The following CAPN2 variants were observed in gnomAD, a reference collection of about 807,000 sequenced individuals.
The protein encoded by CAPN2 is calpain-2 catalytic subunit.
Under a neutral mutation model 102.3 loss-of-function variants are expected in CAPN2, and 92 were observed. That is an observed-to-expected ratio of 0.90 (90% CI 0.76 to 1.07). The LOEUF (loss-of-function observed/expected upper bound fraction) is 1.07, where lower values mean the gene tolerates loss of function less well. CAPN2 is among the 50% of genes least tolerant of loss of function. The pLI is 0.00. For missense variants in CAPN2, 800 were observed against 909.4 expected (o/e 0.88, Z 1.55); for synonymous variants, 340 against 355.4 (o/e 0.96, Z 0.49).
At chr1:223,753,741 C>A (rs913730686) in intron 9 of CAPN2, among the ~76,000 whole-genome samples, 11 of 152,208 alleles carry the variant, frequency 7.2e-5, no homozygotes, top group African/African-American at 2.7e-4. Flanking sequence ...GCAGTCAAAA[C>A]ACAGTCAAAA....
upstream of CAPN2, among the ~76,000 whole-genome samples, chr1:223,708,727 C>T (rs1475594555): frequency 6.6e-6 from 1 of 151,342 alleles, no homozygotes; most frequent in Non-Finnish European, 1.5e-5. Flanking sequence ...GTGGAGATTG[C>T]ACCACTGCAC....
intron 2 of CAPN2, among the ~76,000 whole-genome samples, chr1:223,721,809 TTTC>T (rs1308530960): frequency 1.3e-5 from 2 of 152,160 alleles, no homozygotes; most frequent in Non-Finnish European, 2.9e-5. Context: ...TGAGCCTCAG[TTTC>T]TTCTTCTGTG....
chr1:223,757,468 C>T (rs995479841), intron 11 of CAPN2, 88 bp downstream of exon 11: 25 of 1,440,140 alleles, frequency 1.7e-5, no homozygotes, highest in Admixed American at 5.0e-5. Context: ...TCGTGAAGCC[C>T]GGGCAGGGGC....
At chr1:223,769,731 C>G in intron 16 of CAPN2, 110 bp from the exon 17 acceptor site, 1 of 801,834 alleles carries the variant, frequency 1.2e-6, no homozygotes, top group Non-Finnish European at 2.1e-6. Flanking sequence ...TTCTGCAAAC[C>G]CTCCTTGTGT....
rs1225414967 is a variant in CAPN2, at chr1:223,749,142, T to A, written c.813+20T>A. Reference sequence around the variant, plus strand: ...GAGGAGGTAACGGCCGGCGCGGATGTGCAGGGGTCCTGCTGTCCTGACACG... The same window carrying A: ...GAGGAGGTAACGGCCGGCGCGGATGAGCAGGGGTCCTGCTGTCCTGACACG... On this transcript the variant is annotated intron_variant, in intron 6 of 20. Coordinates refer to ENST00000295006, the MANE Select transcript of CAPN2 (RefSeq NM_001748.5). 6.2e-7 allele frequency: 1 copy of A among 1,606,500 alleles called. No individual in the cohort carries two copies.
chr1:223,761,694 G>A (rs1239416766), intron 13 of CAPN2, 77 bp downstream of exon 13: 16 of 1,216,210 alleles, frequency 1.3e-5, no homozygotes, highest in Non-Finnish European at 1.9e-5. Context: ...AACTCCAAGA[G>A]TTTTTGGACT....
At chr1:223,710,576 C>T (rs2102769177), upstream of CAPN2, among the ~76,000 whole-genome samples, 2 of 152,240 alleles carry the variant, frequency 1.3e-5, no homozygotes, top group South Asian at 4.1e-4. Context: ...TTCATTATAC[C>T]TCTCCAGCGT....
In CAPN2 at chr1:223,770,536, A is replaced by T; in HGVS notation, c.1903+11A>T. 6.3e-7 allele frequency: 1 copy of T among 1,588,016 alleles called. No individual in the cohort carries two copies. The highest frequency in any genetic ancestry group is 8.6e-7 in the Non-Finnish European group (1 of 1,156,468). The stretch of plus-strand genomic sequence containing the variant: ...CATTAGAAGAAGCAGGTAACCCTTT[A>T]TAACTGCATTTTCGTTCCTAGTTTA... On this transcript the variant is annotated intron_variant, in intron 18 of 20. Coordinates refer to ENST00000295006, the MANE Select transcript of CAPN2 (RefSeq NM_001748.5).
intron 2 of CAPN2, among the ~76,000 whole-genome samples, chr1:223,732,501 T>C (rs1164937244): frequency 1.3e-5 from 2 of 152,142 alleles, no homozygotes; most frequent in African/African-American, 4.8e-5. Flanking sequence ...ATGGCTCTGG[T>C]GGGAGTGTAG....
At chr1:223,722,241 T>C (rs1256351263) in intron 2 of CAPN2, among the ~76,000 whole-genome samples, 1 of 151,718 alleles carries the variant, frequency 6.6e-6, no homozygotes, top group Non-Finnish European at 1.5e-5. Context: ...GTGTTTTAAA[T>C]AATTTTTATT....
intron 2 of CAPN2, among the ~76,000 whole-genome samples, chr1:223,720,464 C>T (rs368898821): frequency 2.0e-5 from 3 of 152,052 alleles, no homozygotes; most frequent in Middle Eastern, 3.4e-3. Flanking sequence ...TACAGGCACA[C>T]GCCACCACAC....
intron 2 of CAPN2, among the ~76,000 whole-genome samples, chr1:223,720,229 TCC>T (rs1291541949): frequency 6.6e-6 from 1 of 151,882 alleles, no homozygotes; most frequent in Non-Finnish European, 1.5e-5. Context: ...CTAAAGCCAT[TCC>T]CGGGTTTCTA....
In CAPN2 at chr1:223,727,217, T is replaced by A. The variant is rs1302584833; in HGVS notation, c.307+9386T>A. ...TTTATCGTGTATCTAGCTGTCAGCATGCAAAACAAAAGAACAAAAGGTCTA... is the reference window on the plus strand; with the variant it reads ...TTTATCGTGTATCTAGCTGTCAGCAAGCAAAACAAAAGAACAAAAGGTCTA... On this transcript the variant is annotated intron_variant, in intron 2 of 20. Coordinates refer to ENST00000295006, the MANE Select transcript of CAPN2 (RefSeq NM_001748.5). This position sits in a 1 kb window ranked among gnomAD's most constrained non-coding sequence, Gnocchi z 4.1. 6.6e-6 allele frequency among the ~76,000 whole-genome samples: 1 copy of A among 152,224 alleles called. No homozygotes were observed. The highest frequency in any genetic ancestry group is 6.5e-5 in the Admixed American group (1 of 15,286).
At chr1:223,752,701 G>A in intron 8 of CAPN2, 95 bp from the exon 9 acceptor site, 1 of 1,205,484 alleles carries the variant, frequency 8.3e-7, no homozygotes, top group African/African-American at 1.5e-5. Context: ...TGCTCTGCCT[G>A]GCTTTGGGTG....
chr1:223,747,266 A>T (rs1401347327), intron 5 of CAPN2, 101 bp downstream of exon 5: 1 of 1,191,032 alleles, frequency 8.4e-7, no homozygotes, highest in Non-Finnish European at 1.2e-6. Context: ...GTACAACGTA[A>T]TGCAGCCCTC....
intron 11 of CAPN2, 128 bp downstream of exon 11, chr1:223,757,508 C>T (rs1661066574): frequency 3.1e-6 from 3 of 969,540 alleles, no homozygotes; most frequent in Non-Finnish European, 3.3e-6. Context: ...GTCCTGGCCA[C>T]CCCTGGGGCC....
In CAPN2 at chr1:223,704,680, C is replaced by A. The variant is rs2102765718; in HGVS notation, c.3+2849C>A. Among the ~76,000 whole-genome samples the A allele has an allele frequency of 2.0e-5, 3 of 152,258 alleles. No individual in the cohort carries two copies. The Middle Eastern group carries it at 0.01, about 518-fold the overall frequency. ...GAGAAGGGTATCTGAAATGTCGGCC[C>A]TGCAATAAGGTGGGCCACAGCAATA... On this transcript the variant is annotated intron_variant, in intron 1 of 20. Coordinates refer to the CAPN2 transcript ENST00000433674.
chr1:223,750,829 A>G, intron 6 of CAPN2, 61 bp from the exon 7 acceptor site: 2 of 1,487,478 alleles, frequency 1.3e-6, no homozygotes, highest in South Asian at 2.4e-5. Flanking sequence ...TGGAGGCCCA[A>G]GCCTTCATAG....
chr1:223,755,425 C>A lies in CAPN2; in HGVS notation c.1136-55C>A, dbSNP rs957559758. ...CAAGCCTGAGACCAGGGCCACCCCCCACCCCCATGCATTCCTGCTCAGGGC... is the reference window on the plus strand; with the variant it reads ...CAAGCCTGAGACCAGGGCCACCCCCAACCCCCATGCATTCCTGCTCAGGGC... On this transcript the variant is annotated intron_variant, in intron 9 of 20. Coordinates refer to ENST00000295006, the MANE Select transcript of CAPN2 (RefSeq NM_001748.5). The surrounding 1 kb of genome is among the most constrained non-coding windows in gnomAD (Gnocchi z 4.1). The A allele has an allele frequency of 5.7e-6, 9 of 1,592,434 alleles. No individual in the cohort carries two copies. The highest frequency in any genetic ancestry group is 1.7e-5 in the Admixed American group (1 of 59,242).
Sources: gnomAD v4.1 joint callset for allele counts (sites outside exome capture counted in the v4.1 genomes callset) on GRCh38, gnomAD v4.1.1 for gene constraint, Gnocchi (gnomAD v3.1) non-coding constraint, MANE v1.5 for transcripts, NCBI Gene and HGNC (gene_info 2026-07-23, HGNC 2026-07-21) for gene names.